ABR: variants seen among roughly 807,000 people sequenced by gnomAD.
The protein encoded by ABR is ABR activator of RhoGEF and GTPase.
ABR carries 35 observed loss-of-function variants against 107.2 expected under a neutral mutation model. The ratio of observed to expected loss-of-function variants is 0.33; its 90% CI spans 0.25 to 0.43. ABR has a LOEUF of 0.43. Ranked by LOEUF, ABR falls within the 20% of genes least tolerant of loss-of-function variation. ABR has a pLI of 1.00. For synonymous variants in ABR, 498 were observed against 462.0 expected (o/e 1.08, Z -1.00); for missense variants, 815 against 1,115.2 (o/e 0.73, Z 3.83).
At chr17:1,055,291 G>C (rs893589804) in intron 14 of ABR, 3 of 152,220 alleles carry the variant, frequency 2.0e-5, no homozygotes, top group Admixed American at 6.5e-5. Context: ...CCCACAAGGG[G>C]GAAGGGGAGA....
chr17:1,084,511 C>T lies in ABR; in HGVS notation c.532-884G>A, dbSNP rs2036468302. 6.6e-6 allele frequency among the ~76,000 whole-genome samples: 1 copy of T among 152,242 alleles called. No homozygotes were observed. Among genetic ancestry groups the T allele is most frequent in the Non-Finnish European group, 1.5e-5 (1 of 68,046 alleles). On this transcript the variant is annotated intron_variant, in intron 4 of 22. Transcript: ENST00000302538. This position sits in a 1 kb window ranked among gnomAD's most constrained non-coding sequence, Gnocchi z 4.2. ...AGCCTCACTACACGTTTGCCTGTCA[C>T]TCACACAGTCACAACCTGAGTCACA...
intron 1 of ABR, among the ~76,000 whole-genome samples, chr17:1,152,775 G>C (rs1271416712): frequency 2.0e-5 from 3 of 151,948 alleles, no homozygotes; most frequent in African/African-American, 7.3e-5. Flanking sequence ...AAGATGATGA[G>C]CTTTGTCACG....
Position 1,027,021 on chromosome 17 carries a change from T to C in ABR, c.1792-13857A>G, listed in dbSNP as rs2663328. On this transcript the variant is annotated intron_variant, in intron 16 of 22. Transcript: ENST00000302538. This position sits in a 1 kb window ranked among gnomAD's most constrained non-coding sequence, Gnocchi z 4.7. The stretch of plus-strand genomic sequence containing the variant: ...GGGGCAGCTCCCCCAGACTCACACC[T>C]GCAGGCTTGGGGGCTCCTTCCAAAA... 0.011 allele frequency among the ~76,000 whole-genome samples: 1,561 copies of C among 145,828 alleles called. 35 individuals are homozygous for C. The highest frequency in any genetic ancestry group is 0.038 in the African/African-American group (1,466 of 38,494).
intron 1 of ABR, among the ~76,000 whole-genome samples, chr17:1,163,355 G>C (rs916411475): frequency 6.6e-6 from 1 of 152,212 alleles, no homozygotes; most frequent in African/African-American, 2.4e-5. Flanking sequence ...CAATTCCATA[G>C]AAACTTTTCT....
intron 1 of ABR, among the ~76,000 whole-genome samples, chr17:1,136,750 G>C (rs930340079): frequency 6.6e-6 from 1 of 152,154 alleles, no homozygotes; most frequent in Non-Finnish European, 1.5e-5. Context: ...TGCAGAGTGC[G>C]AGGGCCTTGC....
chr17:1,033,160 C>A (rs1175012443), intron 16 of ABR, among the ~76,000 whole-genome samples: 2 of 152,154 alleles, frequency 1.3e-5, no homozygotes, highest in African/African-American at 4.8e-5. Flanking sequence ...CTTGGTTGAC[C>A]CCAAGGCAGG....
chr17:1,100,013 C>T (rs927291356), intron 3 of ABR, among the ~76,000 whole-genome samples: 2 of 151,908 alleles, frequency 1.3e-5, no homozygotes, highest in Non-Finnish European at 2.9e-5. Flanking sequence ...GCAATTCCAG[C>T]CACTCGGGAG....
chr17:1,056,195 T>C, intron 13 of ABR, 86 bp from the exon 14 acceptor site: 1 of 1,180,826 alleles, frequency 8.5e-7, no homozygotes, highest in Non-Finnish European at 1.3e-6. Flanking sequence ...GCAGACGGGG[T>C]ATGAGACTCA....
chr17:1,057,187 A>C, intron 12 of ABR, 85 bp from the exon 13 acceptor site: 1 of 897,132 alleles, frequency 1.1e-6, no homozygotes, highest in Admixed American at 1.9e-5. Flanking sequence ...CTGCAGGAAG[A>C]CGGCTTAATC....
chr17:1,076,602 A>G (rs767487625), intron 6 of ABR, among the ~76,000 whole-genome samples: 1 of 151,644 alleles, frequency 6.6e-6, no homozygotes, highest in Non-Finnish European at 1.5e-5. Flanking sequence ...GTCTGAACAC[A>G]TGGCAGGTTG....
At position 1,125,264 on chromosome 17, in the gene ABR, G is replaced by C. The variant is rs1225505791; in HGVS notation, c.165C>G (p.Thr55=). 1 of 1,613,482 alleles carries C rather than the reference G, an allele frequency of 6.2e-7. No homozygotes were observed. Residue 55 remains threonine, a synonymous_variant, in exon 2 of 23, where the codon ACC becomes ACG. Transcript: ENST00000302538. ...TGCGGGCGCTGAGCTGCGGGGACAT[G>C]GTGGGCGACTCATCGATGTACGGCA... The part of the protein sequence containing the change: ...ETMPYIDESP[T]MSPQLSARSQ...
In ABR at chr17:1,010,486, A is replaced by G. The variant is rs1422889069; in HGVS notation, c.2236+243T>C. 1 of 536,384 alleles carries G rather than the reference A, an allele frequency of 1.9e-6. No homozygotes were observed. The highest frequency in any genetic ancestry group is 2.3e-5 in the South Asian group (1 of 43,090). 33.2% of individuals were successfully genotyped at this position (536,384 alleles called of 1,614,324 possible). A position where few individuals can be genotyped will look rare whatever the true frequency, so the allele number is the denominator to read the frequency against. The stretch of plus-strand genomic sequence containing the variant: ...GCAAGAGGCCAACGTCCAAATAGGA[A>G]GCAGAAGGGGCTGCCCATGGGGACA... On this transcript the variant is annotated intron_variant, in intron 20 of 22. Coordinates refer to ENST00000302538, the MANE Select transcript of ABR (RefSeq NM_021962.5). This position sits in a 1 kb window ranked among gnomAD's most constrained non-coding sequence, Gnocchi z 4.1.
rs778319800 is a variant in ABR at position 1,125,443 on chromosome 17, G to A, written c.62-76C>T. 1.1e-4 allele frequency: 171 copies of A among 1,566,254 alleles called. 1 individual carries two copies. Among genetic ancestry groups the A allele is most frequent in the South Asian group, 3.4e-4 (31 of 90,432 alleles). On this transcript the variant is annotated intron_variant, in intron 1 of 22. Transcript: ENST00000302538. ...AGGGACTGGTAGCGTAGTGGGCGCC[G>A]GCGGCGGCCCCCGGCAGCCATGGCC...
At chr17:1,061,862 C>T (rs992759621) in intron 10 of ABR, among the ~76,000 whole-genome samples, 2 of 152,146 alleles carry the variant, frequency 1.3e-5, no homozygotes. Flanking sequence ...CACCTGTTTT[C>T]TACGTGTCGA....
At chr17:1,055,968 C>T (rs2033223415) in intron 14 of ABR, 67 bp downstream of exon 14, 2 of 1,465,820 alleles carry the variant, frequency 1.4e-6, no homozygotes, top group African/African-American at 1.4e-5. Context: ...GGCAGGGCCC[C>T]ATCCTGGGCA....
chr17:1,076,802 G>T (rs1013720151), intron 6 of ABR, among the ~76,000 whole-genome samples: 2 of 150,700 alleles, frequency 1.3e-5, no homozygotes, highest in Non-Finnish European at 2.9e-5. Context: ...CCTGAAGTTT[G>T]TGCTCCCCAC....
chr17:1,143,519 GCTC>G, intron 1 of ABR, among the ~76,000 whole-genome samples: 1 of 149,242 alleles, frequency 6.7e-6, no homozygotes, highest in African/African-American at 2.5e-5. Flanking sequence ...CTGGGGGACA[GCTC>G]GCTCCTGGGG....
intron 2 of ABR, among the ~76,000 whole-genome samples, chr17:1,120,215 G>C (rs1223618296): frequency 6.6e-6 from 1 of 152,144 alleles, no homozygotes; most frequent in Non-Finnish European, 1.5e-5. Flanking sequence ...GCTGTGATGA[G>C]GGGGAGGAGG....
At chr17:1,224,205 C>T (rs1041437929) in intron 1 of ABR, among the ~76,000 whole-genome samples, 18 of 152,038 alleles carry the variant, frequency 1.2e-4, no homozygotes, top group African/African-American at 3.6e-4. Context: ...CTGCCCGTCC[C>T]CTCACTCCTC....
Sources: allele counts gnomAD v4.1 joint callset (sites outside exome capture counted in the v4.1 genomes callset), GRCh38; gene constraint gnomAD v4.1.1; non-coding constraint Gnocchi (gnomAD v3.1); transcripts MANE v1.5; gene names NCBI Gene and HGNC (gene_info 2026-07-23, HGNC 2026-07-21).